The following UTRN variants were observed in gnomAD, a reference collection of about 807,000 sequenced individuals.
UTRN encodes utrophin.
A neutral mutation model predicts 463.9 loss-of-function variants in UTRN; 283 were observed. The observed-to-expected ratio is 0.61, with a 90% CI of 0.55 to 0.67. The LOEUF (loss-of-function observed/expected upper bound fraction) is 0.67, where lower values mean the gene tolerates loss of function less well. UTRN is among the 30% of genes least tolerant of loss of function. The pLI is 0.00. For missense variants in UTRN, 3,922 were observed against 4,084.3 expected, an observed-to-expected ratio of 0.96 and a Z score of 1.08; for synonymous variants, 1,442 against 1,431.5, an observed-to-expected ratio of 1.01 and a Z score of -0.17.
At chr6:144,802,053 C>G (rs556388503) in intron 64 of UTRN, among the ~76,000 whole-genome samples, 2 of 152,254 alleles carry the variant, frequency 1.3e-5, no homozygotes, top group East Asian at 3.9e-4. Flanking sequence ...AATGTGCTAA[C>G]AGTACAAGGG....
At chr6:144,545,730 C>T (rs148187130) in intron 46 of UTRN, among the ~76,000 whole-genome samples, 3 of 152,244 alleles carry the variant, frequency 2.0e-5, no homozygotes, top group African/African-American at 4.8e-5. Flanking sequence ...TGATAGAATG[C>T]AAGCTCTGGC....
chr6:144,507,292 C>T (rs779956539), intron 34 of UTRN, among the ~76,000 whole-genome samples: 7 of 151,852 alleles, frequency 4.6e-5, no homozygotes, highest in Admixed American at 1.3e-4. Flanking sequence ...ATTCTCCATC[C>T]GGTTTTGTTC....
intron 51 of UTRN, among the ~76,000 whole-genome samples, chr6:144,635,843 C>G (rs1777114597): frequency 6.6e-6 from 1 of 151,926 alleles, no homozygotes; most frequent in Non-Finnish European, 1.5e-5. Flanking sequence ...CCAGCCTAGG[C>G]CCCCCTGCTG....
intron 3 of UTRN, among the ~76,000 whole-genome samples, chr6:144,410,796 ATGTGTG>A (rs112535909): frequency 0.013 from 1,854 of 141,270 alleles, 15 homozygotes; most frequent in Non-Finnish European, 0.021. Context: ...TGGTGTGTAT[ATGTGTG>A]TGTGTGTGTG....
At chr6:144,634,142 C>G (rs2128656660) in intron 51 of UTRN, among the ~76,000 whole-genome samples, 1 of 152,326 alleles carries the variant, frequency 6.6e-6, no homozygotes, top group South Asian at 2.1e-4. Context: ...ACAGTCCAGG[C>G]ATGGGATGTG....
intron 9 of UTRN, among the ~76,000 whole-genome samples, chr6:144,432,958 C>T (rs1786025494): frequency 6.6e-6 from 1 of 152,062 alleles, no homozygotes; most frequent in Admixed American, 6.5e-5. Flanking sequence ...TCCATTTAAC[C>T]CTGAGTGGAC....
chr6:144,849,760 A>G lies in UTRN; in HGVS notation c.10294-1229A>G, dbSNP rs148375483. 7.1e-3 allele frequency among the ~76,000 whole-genome samples: 1,085 copies of G among 152,296 alleles called. 19 individuals are homozygous for G. Among genetic ancestry groups the G allele is most frequent in the African/African-American group, 0.023 (961 of 41,564 alleles). On this transcript the variant is annotated intron_variant, in intron 74 of 74. Transcript: ENST00000367545. ...TAAAATGAGCAGTATTGTGTGTCCAATTAATAGACACATCTCATTCTCAAG... is the reference window on the plus strand; with the variant it reads ...TAAAATGAGCAGTATTGTGTGTCCAGTTAATAGACACATCTCATTCTCAAG...
At chr6:144,830,586 A>G (rs1780582656) in intron 69 of UTRN, among the ~76,000 whole-genome samples, 1 of 152,230 alleles carries the variant, frequency 6.6e-6, no homozygotes, top group South Asian at 2.1e-4. Flanking sequence ...CCTTGGGATT[A>G]TTTATTATAA....
intron 51 of UTRN, among the ~76,000 whole-genome samples, chr6:144,613,228 A>G (rs1331452501): frequency 1.3e-5 from 2 of 152,072 alleles, no homozygotes; most frequent in Non-Finnish European, 2.9e-5. Flanking sequence ...GAGAGAAGGA[A>G]GGGGAAATTG....
At position 144,836,362 on chromosome 6, in the gene UTRN, G is replaced by T. The variant is rs367577548; in HGVS notation, c.9886G>T (p.Gly3296Cys). The change falls in exon 71 of 75, where the codon GGT becomes TGT. Residue 3296 changes from glycine to cysteine, a missense_variant. Gly to Cys is a radical substitution (Grantham distance 159). Around this residue, in one of 3 missense-constraint regions of UTRN, gnomAD observed 1,309 missense variants for 1,452.6 expected, o/e 0.90. Transcript: ENST00000367545. Reference sequence around the variant, plus strand: ...GCACCTCCGAAGGGGGCTCCCTGTCGGTTCACCGCCAGAGTCGATTATATC... The same window carrying T: ...GCACCTCCGAAGGGGGCTCCCTGTCTGTTCACCGCCAGAGTCGATTATATC... The part of the protein sequence containing the change: ...DQHLRRGLPV[G>C]SPPESIISPH... 2.1e-5 allele frequency: 34 copies of T among 1,613,954 alleles called. No homozygotes were observed. Among genetic ancestry groups the T allele is most frequent in the Non-Finnish European group, 2.7e-5 (32 of 1,179,988 alleles).
intron 2 of UTRN, among the ~76,000 whole-genome samples, chr6:144,339,990 A>C (rs569654964): frequency 1.3e-5 from 2 of 152,296 alleles, no homozygotes; most frequent in South Asian, 4.1e-4. Flanking sequence ...CAACAAGGTG[A>C]AAGCCGTCTC....
At chr6:144,682,130 C>T (rs139605126) in intron 52 of UTRN, among the ~76,000 whole-genome samples, 236 of 152,172 alleles carry the variant, frequency 1.6e-3, no homozygotes, top group African/African-American at 5.6e-3. Flanking sequence ...CACTTCCTCC[C>T]CATCACCCCC....
intron 40 of UTRN, among the ~76,000 whole-genome samples, chr6:144,522,448 T>A (rs1365078924): frequency 6.6e-6 from 1 of 152,224 alleles, no homozygotes; most frequent in Admixed American, 6.5e-5. Flanking sequence ...TAGACCACCT[T>A]CCTGTCTTAT....
intron 2 of UTRN, among the ~76,000 whole-genome samples, chr6:144,349,690 A>G (rs1228760295): frequency 6.6e-6 from 1 of 152,016 alleles, no homozygotes; most frequent in Non-Finnish European, 1.5e-5. Context: ...TTTTTGATAT[A>G]TTTTTCCTTG....
chr6:144,824,575 TATATA>T (rs1779935269), intron 66 of UTRN, among the ~76,000 whole-genome samples: 9 of 21,172 alleles, frequency 4.3e-4, no homozygotes, highest in Non-Finnish European at 6.5e-4. Flanking sequence ...ATTTTATTTA[TATATA>T]TATATATATA....
At chr6:144,376,858 TA>T (rs1780507525) in intron 2 of UTRN, among the ~76,000 whole-genome samples, 1 of 152,214 alleles carries the variant, frequency 6.6e-6, no homozygotes, top group South Asian at 2.1e-4. Flanking sequence ...CTAACTTTAT[TA>T]CTTGGTTTAT....
rs1554339291 is a variant in UTRN at position 144,690,074 on chromosome 6, GT to G, written c.7653-9991del. On this transcript the variant is annotated intron_variant, in intron 52 of 74. Transcript: ENST00000367545. The stretch of plus-strand genomic sequence containing the variant: ...GGCCATAGAGCTCCCAAAAGTTTCT[GT>G]TTTTTTTTTTTTTTTTTTTTTGTGT... Among the ~76,000 whole-genome samples the G allele has an allele frequency of 6.1e-4, 19 of 31,280 alleles. 2 individuals carry two copies. Among genetic ancestry groups the G allele is most frequent in the African/African-American group, 1.9e-3 (11 of 5,682 alleles). The allele number at this position is 31,280 out of a possible 152,430, so 20.5% of individuals were successfully genotyped here. A position where few individuals can be genotyped will look rare whatever the true frequency, so the allele number is the denominator to read the frequency against.
chr6:144,731,752 G>A (rs112082738), intron 54 of UTRN, among the ~76,000 whole-genome samples: 2 of 152,270 alleles, frequency 1.3e-5, no homozygotes, highest in African/African-American at 4.8e-5. Flanking sequence ...TTTTCTGCTG[G>A]TGGTAACACT....
intron 62 of UTRN, 108 bp from the exon 63 acceptor site, chr6:144,793,726 T>A: frequency 2.9e-6 from 4 of 1,361,628 alleles, no homozygotes; most frequent in Non-Finnish European, 4.0e-6. Context: ...TTCATGTCCT[T>A]CTGAAATTTT....
Sources: gnomAD v4.1 joint callset for allele counts (sites outside exome capture counted in the v4.1 genomes callset) on GRCh38, gnomAD v4.1.1 for gene constraint, gnomAD v4.1.1 regional missense constraint, MANE v1.5 for transcripts, NCBI Gene and HGNC (gene_info 2026-07-23, HGNC 2026-07-21) for gene names.